Variants in POR observed in about 807,000 individuals in gnomAD.
The protein encoded by POR is cytochrome p450 oxidoreductase.
A neutral mutation model predicts 84.0 loss-of-function variants in POR; 56 were observed. That is an observed-to-expected ratio of 0.67 (90% confidence interval 0.54 to 0.83). The LOEUF is 0.83. Among genes scored for constraint, POR ranks in the 40% least tolerant of loss-of-function variants. POR has a pLI of 0.00. For synonymous variants in POR, 414 were observed against 400.5 expected (o/e 1.03, Z -0.40); for missense variants, 938 against 944.3 (o/e 0.99, Z 0.09).
chr7:75,966,092 G>A (rs977135085), intron 2 of POR, among the ~76,000 whole-genome samples: 5 of 152,288 alleles, frequency 3.3e-5, no homozygotes, highest in South Asian at 2.1e-4. Context: ...AAACCCTTGC[G>A]CACTGCACAG....
intron 3 of POR, among the ~76,000 whole-genome samples, chr7:75,972,997 A>G (rs782560068): frequency 5.9e-5 from 9 of 151,726 alleles, no homozygotes; most frequent in Non-Finnish European, 1.2e-4. Flanking sequence ...TAATTTTTGT[A>G]TTTTTAATAG....
chr7:75,969,744 C>T (rs41296524), intron 2 of POR, among the ~76,000 whole-genome samples: 1 of 152,184 alleles, frequency 6.6e-6, no homozygotes, highest in African/African-American at 2.4e-5. Flanking sequence ...CCGCCCCTGC[C>T]AGCCTCGTGC....
chr7:75,980,286 C>T, intron 4 of POR, 53 bp from the exon 5 acceptor site: 1 of 1,583,858 alleles, frequency 6.3e-7, no homozygotes, highest in Non-Finnish European at 8.6e-7. Flanking sequence ...GCGGGTTGAA[C>T]CTTGAACAGG....
rs889654489 is a variant in POR at position 75,957,100 on chromosome 7, G to A, written c.188+2920G>A. Among the ~76,000 whole-genome samples the A allele has an allele frequency of 7.2e-5, 11 of 152,210 alleles. 2 individuals carry two copies. Among genetic ancestry groups the A allele is most frequent in the South Asian group, 6.2e-4 (3 of 4,830 alleles). ...CTAATCAGGGCCTCCTTGCAACAGC[G>A]CCGTGCGTTAGGTAGCGTGGGTTGC... On this transcript the variant is annotated intron_variant, in intron 2 of 15. Coordinates refer to ENST00000461988, the MANE Select transcript of POR (RefSeq NM_000941.3).
At chr7:75,927,780 C>T (rs1207379893) in intron 1 of POR, among the ~76,000 whole-genome samples, 1 of 150,592 alleles carries the variant, frequency 6.6e-6, no homozygotes, top group Non-Finnish European at 1.5e-5. Flanking sequence ...CAGTGATTCT[C>T]TTGCCTCAGC....
intron 2 of POR, among the ~76,000 whole-genome samples, chr7:75,960,341 G>A (rs563792125): frequency 1.4e-4 from 22 of 151,726 alleles, no homozygotes; most frequent in Non-Finnish European, 1.9e-4. Context: ...ACTCTTTCAC[G>A]TCCACTCCCA....
intron 1 of POR, among the ~76,000 whole-genome samples, chr7:75,923,760 C>T (rs1367217604): frequency 2.6e-5 from 4 of 151,974 alleles, no homozygotes; most frequent in African/African-American, 4.8e-5. Context: ...TGGTGGCACA[C>T]GCCTGTAATC....
At chr7:75,974,173 C>T (rs1409086552) in intron 3 of POR, among the ~76,000 whole-genome samples, 1 of 152,074 alleles carries the variant, frequency 6.6e-6, no homozygotes, top group Non-Finnish European at 1.5e-5. Flanking sequence ...TTGGCTCTTA[C>T]CAACAATGTC....
At chr7:75,950,749 A>G (rs1787376469) in intron 1 of POR, among the ~76,000 whole-genome samples, 1 of 152,206 alleles carries the variant, frequency 6.6e-6, no homozygotes, top group South Asian at 2.1e-4. Context: ...AACAGAATTC[A>G]CTTTGTCCTT....
chr7:75,933,024 GAAAAA>G (rs782591942), intron 1 of POR, among the ~76,000 whole-genome samples: 1 of 92,676 alleles, frequency 1.1e-5, no homozygotes, highest in Non-Finnish European at 2.3e-5. Context: ...GACTCCATCT[GAAAAA>G]AAAAAAAAAA....
At chr7:75,984,523 C>T (rs927889497) in intron 10 of POR, among the ~76,000 whole-genome samples, 4 of 152,176 alleles carry the variant, frequency 2.6e-5, no homozygotes, top group African/African-American at 9.7e-5. Context: ...ACAGCGGGTG[C>T]GTTAGTGTGC....
intron 7 of POR, 74 bp downstream of exon 7, chr7:75,981,680 G>T (rs1415885665): frequency 1.6e-6 from 2 of 1,263,322 alleles, no homozygotes; most frequent in African/African-American, 3.0e-5. Context: ...CTGGAACAAG[G>T]GCTGGCAGTG....
chr7:75,985,363 C>CA (rs1789370613), intron 12 of POR, 156 bp downstream of exon 12: 1 of 1,175,702 alleles, frequency 8.5e-7, no homozygotes, highest in African/African-American at 1.5e-5. Flanking sequence ...GCTGTGGACT[C>CA]AGTCGGGCTG....
intron 2 of POR, chr7:75,968,004 T>C (rs1788259607): frequency 4.4e-6 from 2 of 454,022 alleles, no homozygotes; most frequent in Non-Finnish European, 8.8e-6. Context: ...ACTTTCCATC[T>C]GCTGGCCCCT....
chr7:75,975,997 A>C (rs1788669747), intron 3 of POR, among the ~76,000 whole-genome samples: 1 of 151,912 alleles, frequency 6.6e-6, no homozygotes, highest in Non-Finnish European at 1.5e-5. Context: ...TAGTGACATA[A>C]ATAGAGCTGC....
Position 75,955,909 on chromosome 7 carries a change from C to G in POR, c.188+1729C>G, listed in dbSNP as rs549011015. 2.0e-3 allele frequency among the ~76,000 whole-genome samples: 298 copies of G among 152,326 alleles called. 2 individuals carry two copies. The highest frequency in any genetic ancestry group is 6.9e-3 in the African/African-American group (288 of 41,568). On this transcript the variant is annotated intron_variant, in intron 2 of 15. Coordinates refer to ENST00000461988, the MANE Select transcript of POR (RefSeq NM_000941.3). The stretch of plus-strand genomic sequence containing the variant: ...ATTCCAATCTGGGTATCAGCCTTCC[C>G]CGCCAGAACACTTACAGCCTTCACA...
At chr7:75,940,503 G>A in intron 1 of POR, among the ~76,000 whole-genome samples, 1 of 144,730 alleles carries the variant, frequency 6.9e-6, no homozygotes, top group East Asian at 2.1e-4. Flanking sequence ...GCACTCTCGT[G>A]GCCGGGTGCA....
At chr7:75,983,340 C>CA (rs41299532) in intron 8 of POR, 180 bp from the exon 9 acceptor site, 865 of 403,850 alleles carry the variant, frequency 2.1e-3, no homozygotes, top group African/African-American at 5.8e-3. Context: ...AACTCTGTCT[C>CA]AAAAAAAAAA....
chr7:75,972,565 G>T (rs1554556360), intron 3 of POR, 104 bp downstream of exon 3: 1 of 1,154,616 alleles, frequency 8.7e-7, no homozygotes, highest in South Asian at 1.3e-5. Flanking sequence ...AGGATGTCCC[G>T]GTGGCCAGGA....
Sources: gnomAD v4.1 joint callset for allele counts (sites outside exome capture counted in the v4.1 genomes callset) on GRCh38, gnomAD v4.1.1 for gene constraint, MANE v1.5 for transcripts, NCBI Gene and HGNC (gene_info 2026-07-23, HGNC 2026-07-21) for gene names.